The following SRPRB variants were observed in gnomAD, a reference collection of about 807,000 sequenced individuals.
SRPRB encodes the protein signal recognition particle receptor subunit beta.
Under a neutral mutation model 31.9 loss-of-function variants are expected in SRPRB, and 20 were observed. That is an observed-to-expected ratio of 0.63 (90% CI 0.44 to 0.91). SRPRB has a LOEUF of 0.91. Among genes scored for constraint, SRPRB ranks in the 40% least tolerant of loss-of-function variants. The pLI is 0.00. For missense variants in SRPRB, 321 were observed against 324.9 expected (o/e 0.99, Z 0.09); for synonymous variants, 146 against 132.8 (o/e 1.10, Z -0.68).
chr3:133,824,792 A>C (rs946314475), downstream of SRPRB: 1 of 152,148 alleles, frequency 6.6e-6, no homozygotes, highest in Non-Finnish European at 1.5e-5. Context: ...AAGAGTAGAG[A>C]TGGTCTGAGG....
intron 1 of SRPRB, among the ~76,000 whole-genome samples, chr3:133,798,495 C>T (rs564366905): frequency 1.3e-5 from 2 of 152,064 alleles, no homozygotes; most frequent in Non-Finnish European, 2.9e-5. Context: ...TAAGGGAATG[C>T]AGTATTTTAA....
intron 1 of SRPRB, chr3:133,794,661 A>C (rs1426690001): frequency 6.6e-6 from 1 of 152,186 alleles, no homozygotes; most frequent in East Asian, 1.9e-4. Context: ...TCATGATCTC[A>C]CAACTGAGAA....
upstream of SRPRB, among the ~76,000 whole-genome samples, chr3:133,802,138 C>T (rs1935071490): frequency 1.3e-5 from 2 of 152,146 alleles, no homozygotes; most frequent in Admixed American, 6.5e-5. Context: ...GGCGTGGTGG[C>T]TTGTGCCTGT....
intron 5 of SRPRB, among the ~76,000 whole-genome samples, chr3:133,816,116 T>C (rs1935360906): frequency 6.6e-6 from 1 of 152,244 alleles, no homozygotes; most frequent in Non-Finnish European, 1.5e-5. Context: ...GGAAGTTTGC[T>C]GAAGTTGTTT....
At chr3:133,828,372 T>C (rs2293375), downstream of SRPRB, 79,945 of 348,800 alleles carry the variant, frequency 0.23, 10,429 homozygotes, top group East Asian at 0.43. Flanking sequence ...AGGTGATGAA[T>C]GGTTCAAAGA....
chr3:133,805,816 C>G lies in SRPRB; in HGVS notation c.-33C>G. On this transcript the variant is annotated 5_prime_UTR_variant, in exon 1 of 7. Transcript: ENST00000678299. ...CTGCGCAGAGTGCAGGGCCACGTCGCTTTTGCTGTACCGGGGACCACGCGT... is the reference window on the plus strand; with the variant it reads ...CTGCGCAGAGTGCAGGGCCACGTCGGTTTTGCTGTACCGGGGACCACGCGT... 1 of 1,583,342 alleles carries G rather than the reference C, an allele frequency of 6.3e-7. No individual in the cohort carries two copies. The highest frequency in any genetic ancestry group is 8.6e-7 in the Non-Finnish European group (1 of 1,165,896).
At chr3:133,817,182 A>G (rs76497943) in intron 6 of SRPRB, among the ~76,000 whole-genome samples, 2,332 of 152,314 alleles carry the variant, frequency 0.015, 33 homozygotes, top group Middle Eastern at 0.031. Flanking sequence ...TTATTTTACC[A>G]TTGTTACTAA....
rs1042479340 is a variant in SRPRB at position 133,820,393 on chromosome 3, T to C, written c.*627T>C. The C allele has an allele frequency of 1.3e-5, 2 of 153,790 alleles. No individual in the cohort carries two copies. The highest frequency in any genetic ancestry group is 2.9e-5 in the Non-Finnish European group (2 of 69,124). 9.5% of individuals were successfully genotyped at this position (153,790 alleles called of 1,614,324 possible). A position where few individuals can be genotyped will look rare whatever the true frequency, so the allele number is the denominator to read the frequency against. On this transcript the variant is annotated 3_prime_UTR_variant, in exon 7 of 7. Transcript: ENST00000678299. ...CGTTTCAAAAGCTTGTCACAAACCCTTGGAGTCATTCCCAGATAATAGAAC... is the reference window on the plus strand; with the variant it reads ...CGTTTCAAAAGCTTGTCACAAACCCCTGGAGTCATTCCCAGATAATAGAAC...
Position 133,819,916 on chromosome 3 carries a change from GA to G in SRPRB, c.*152del. 4.4e-6 allele frequency: 3 copies of G among 683,962 alleles called. No homozygotes were observed. The highest frequency in any genetic ancestry group is 2.1e-5 in the South Asian group (1 of 46,540). 42.4% of individuals were successfully genotyped at this position (683,962 alleles called of 1,614,324 possible). On this transcript the variant is annotated 3_prime_UTR_variant, in exon 7 of 7. Transcript: ENST00000678299. ...ACAAAGTACTGTTGAAACCAGCTTG[GA>G]ATTTTTTTTTTTTTTTTTTTTAAGT...
chr3:133,819,804 C>A lies in SRPRB; in HGVS notation c.*38C>A. Reference sequence around the variant, plus strand: ...AAGCACAAGACCTGGATGTGTGACACACAGTTTTGGAAAAAGGTCTGTGGT... The same window carrying A: ...AAGCACAAGACCTGGATGTGTGACAAACAGTTTTGGAAAAAGGTCTGTGGT... On this transcript the variant is annotated 3_prime_UTR_variant, in exon 7 of 7. Coordinates refer to ENST00000678299, the MANE Select transcript of SRPRB (RefSeq NM_001379313.1). 1 of 1,589,050 alleles carries A rather than the reference C, an allele frequency of 6.3e-7. No individual in the cohort carries two copies. Among genetic ancestry groups the A allele is most frequent in the South Asian group, 1.1e-5 (1 of 88,802 alleles).
chr3:133,805,831 G>T lies in SRPRB; in HGVS notation c.-18G>T, dbSNP rs749596128. 6 of 1,599,230 alleles carry T rather than the reference G, an allele frequency of 3.8e-6. No individual in the cohort carries two copies. In the Admixed American group the frequency reaches 1.0e-4, roughly 27 times the overall value. The stretch of plus-strand genomic sequence containing the variant: ...GGCCACGTCGCTTTTGCTGTACCGG[G>T]GACCACGCGTCTCATCCATGGCTTC... On this transcript the variant is annotated 5_prime_UTR_variant, in exon 1 of 7. Transcript: ENST00000678299.
upstream of SRPRB, among the ~76,000 whole-genome samples, chr3:133,804,706 C>A (rs1347008541): frequency 6.6e-6 from 1 of 152,040 alleles, no homozygotes; most frequent in South Asian, 2.1e-4. Context: ...TGGCCTTTCA[C>A]CAGCTCCATT....
chr3:133,814,879 C>G (rs1209050750), intron 4 of SRPRB, among the ~76,000 whole-genome samples: 2 of 152,158 alleles, frequency 1.3e-5, no homozygotes, highest in South Asian at 4.1e-4. Context: ...GTTCAAGCGC[C>G]CTCTAAGATT....
intron 3 of SRPRB, among the ~76,000 whole-genome samples, chr3:133,808,395 G>A (rs1295608935): frequency 6.7e-6 from 1 of 150,118 alleles, no homozygotes; most frequent in East Asian, 1.9e-4. Context: ...TTTTCTTATT[G>A]TCCTACATTT....
chr3:133,801,071 C>G (rs1935054220), upstream of SRPRB, among the ~76,000 whole-genome samples: 1 of 152,112 alleles, frequency 6.6e-6, no homozygotes, highest in Non-Finnish European at 1.5e-5. Context: ...TAAAAATCCT[C>G]TAAACGTTTT....
At chr3:133,802,832 C>G (rs939787606), upstream of SRPRB, among the ~76,000 whole-genome samples, 2 of 152,104 alleles carry the variant, frequency 1.3e-5, no homozygotes, top group African/African-American at 4.8e-5. Flanking sequence ...CCCAGAAGCA[C>G]CTAAAACTCA....
At chr3:133,803,376 C>G, upstream of SRPRB, among the ~76,000 whole-genome samples, 1 of 152,220 alleles carries the variant, frequency 6.6e-6, no homozygotes, top group East Asian at 1.9e-4. Context: ...TTCCTGCCAA[C>G]CTTTCTAGCT....
downstream of SRPRB, chr3:133,827,787 C>T: frequency 3.3e-6 from 1 of 301,914 alleles, no homozygotes; most frequent in South Asian, 2.7e-5. Flanking sequence ...AGGATCAACT[C>T]CAGGTGGTCC....
chr3:133,800,015 C>T (rs1935038593), intron 1 of SRPRB, among the ~76,000 whole-genome samples: 1 of 152,192 alleles, frequency 6.6e-6, no homozygotes, highest in Non-Finnish European at 1.5e-5. Context: ...CATCATCTTC[C>T]TTCTTCCCCC....
Sources: allele counts gnomAD v4.1 joint callset (sites outside exome capture counted in the v4.1 genomes callset), GRCh38; gene constraint gnomAD v4.1.1; transcripts MANE v1.5; gene names NCBI Gene and HGNC (gene_info 2026-07-23, HGNC 2026-07-21).